The following MGAM variants were observed in gnomAD, a reference collection of about 807,000 sequenced individuals.
MGAM encodes the protein maltase-glucoamylase, also known as alpha-1,4-glucosidase.
A neutral mutation model predicts 358.8 loss-of-function variants in MGAM; 253 were observed. The ratio of observed to expected loss-of-function variants is 0.71; its 90% CI spans 0.64 to 0.78. The LOEUF is 0.78. Ranked by LOEUF, MGAM falls within the 30% of genes least tolerant of loss-of-function variation. The pLI is 0.00. For missense variants in MGAM, 3,080 were observed against 3,432.6 expected (o/e 0.90, Z 2.57); for synonymous variants, 1,105 against 1,227.1 (o/e 0.90, Z 2.08).
At chr7:142,046,151 TTTATA>T (rs1408687750) in intron 21 of MGAM, among the ~76,000 whole-genome samples, 4 of 145,926 alleles carry the variant, frequency 2.7e-5, no homozygotes, top group Admixed American at 1.4e-4. Flanking sequence ...TATATATATA[TTTATA>T]TTATATTTTT....
Position 142,099,675 on chromosome 7 carries a change from T to A in MGAM, c.7812T>A (p.Asn2604Lys). The A allele has an allele frequency of 6.2e-7, 1 of 1,613,978 alleles. No individual in the cohort carries two copies. Among genetic ancestry groups the A allele is most frequent in the South Asian group, 1.1e-5 (1 of 91,086 alleles). The stretch of plus-strand genomic sequence containing the variant: ...TGCCAGCCCCTCTTGACCACATTAA[T>A]CTTCATGTCCGTGGGGGCTACATCC... Reference protein sequence around the residue: ...KTLPAPLDHINLHVRGGYILP... With the variant: ...KTLPAPLDHIKLHVRGGYILP... Residue 2604 changes from asparagine (N) to lysine (K), a missense_variant, in exon 67 of 71, where the codon AAT becomes AAA. Transcript: ENST00000475668.
chr7:142,040,909 T>C, intron 21 of MGAM, 63 bp downstream of exon 21: 2 of 1,526,938 alleles, frequency 1.3e-6, no homozygotes, highest in Non-Finnish European at 1.8e-6. Flanking sequence ...TTGAATTTCT[T>C]TTCGAAACAC....
chr7:142,021,075 C>T lies in MGAM; in HGVS notation c.550C>T (p.His184Tyr). ...TAEYQTSNRF[H>Y]FKLTDQTNNR... The stretch of plus-strand genomic sequence containing the variant: ...AGAATATCAGACATCTAATCGTTTC[C>T]ACTTTAAGGTTGTAATTTGTTTATT... Residue 184 changes from histidine to tyrosine, a missense_variant, in exon 5 of 71, where the codon CAC becomes TAC. By Grantham distance (83) the His-to-Tyr change is moderately conservative. Transcript: ENST00000475668. 3 of 1,598,552 alleles carry T rather than the reference C, an allele frequency of 1.9e-6. No homozygotes were observed. The highest frequency in any genetic ancestry group is 1.1e-5 in the South Asian group (1 of 88,516).
chr7:142,059,840 T>TA lies in MGAM; in HGVS notation c.3949-15dup. The TA allele has an allele frequency of 5.6e-6, 9 of 1,601,270 alleles. No individual in the cohort carries two copies. The highest frequency in any genetic ancestry group is 7.7e-6 in the Non-Finnish European group (9 of 1,173,274). ...CTGGCTTTGGTTTTCCCAACTGACT[T>TA]ATGCTTTGATTTCAGGATCCAGCCA... On this transcript the variant is annotated splice_polypyrimidine_tract_variant and intron_variant, in intron 32 of 70. Transcript: ENST00000475668.
intron 66 of MGAM, among the ~76,000 whole-genome samples, chr7:142,098,477 A>G (rs913960626): frequency 6.6e-6 from 1 of 152,132 alleles, no homozygotes; most frequent in Non-Finnish European, 1.5e-5. Flanking sequence ...TACAGGAAGC[A>G]GAGCATGTGC....
rs1484099357 is a variant in MGAM, at chr7:142,064,538, C to T, written c.4484+16C>T. 6.4e-7 allele frequency: 1 copy of T among 1,564,790 alleles called. No individual in the cohort carries two copies. ...CCACATACGAGTGAGTCTCCGTCTC[C>T]CTTCTCCAGCTGTCACAACCTATAG... On this transcript the variant is annotated intron_variant, in intron 37 of 70. Coordinates refer to ENST00000475668, the MANE Select transcript of MGAM (RefSeq NM_001365693.1).
intron 64 of MGAM, 143 bp from the exon 65 acceptor site, chr7:142,096,188 G>A (rs1395803461): frequency 1.3e-6 from 1 of 796,512 alleles, no homozygotes; most frequent in East Asian, 2.7e-5. Flanking sequence ...GGGTGCTCCT[G>A]ATGAAGCTAG....
rs1200963119 is a variant in MGAM at position 142,040,721 on chromosome 7, G to T, written c.2374-1G>T. On this transcript the variant is annotated splice_acceptor_variant, in intron 20 of 70. Transcript: ENST00000475668. LOFTEE classifies it high-confidence loss of function. ...GTGTTTGATTTATCTGCATGCATCA[G>T]GGGAGCCAAGTGAGATGGAGGAAGC... The T allele has an allele frequency of 6.2e-7, 1 of 1,612,912 alleles. No individual in the cohort carries two copies. The highest frequency in any genetic ancestry group is 1.1e-5 in the South Asian group (1 of 90,942).
At chr7:142,036,092 G>T in intron 16 of MGAM, 77 bp from the exon 17 acceptor site, 1 of 1,091,282 alleles carries the variant, frequency 9.2e-7, no homozygotes, top group South Asian at 1.4e-5. Context: ...AGGTTCAGTT[G>T]GGAGGTCCCT....
intron 21 of MGAM, among the ~76,000 whole-genome samples, chr7:142,045,722 A>G (rs1810227880): frequency 1.2e-5 from 1 of 81,192 alleles, no homozygotes; most frequent in African/African-American, 4.8e-5. Context: ...TATATAATAT[A>G]TACATACAAT....
Position 142,029,741 on chromosome 7 carries a change from G to A in MGAM, c.1222-621G>A, listed in dbSNP as rs140408768. Reference sequence around the variant, plus strand: ...TACCTATGATATTGGATACTATTGGGAGTGAAATTTAACAAGAGATGCAAA... The same window carrying A: ...TACCTATGATATTGGATACTATTGGAAGTGAAATTTAACAAGAGATGCAAA... On this transcript the variant is annotated intron_variant, in intron 10 of 70. Transcript: ENST00000475668. Among the ~76,000 whole-genome samples, 47 of 152,304 alleles carry A rather than the reference G, an allele frequency of 3.1e-4. No homozygotes were observed. In the East Asian group the frequency reaches 8.5e-3, roughly 28 times the overall value.
rs782066769 is a variant in MGAM, at chr7:142,034,386, C to T, written c.1787+7C>T. The T allele has an allele frequency of 2.0e-6, 3 of 1,520,002 alleles. No individual in the cohort carries two copies. The African/African-American group carries it at 4.1e-5, about 21-fold the overall frequency. 94.2% of individuals were successfully genotyped at this position (1,520,002 alleles called of 1,614,324 possible). ...TGGCGGTCGCCACAGCAGAGTAAGG[C>T]CACTATGGCTATGACCTGCTAATTA... On this transcript the variant is annotated splice_region_variant and intron_variant, in intron 15 of 70. Coordinates refer to ENST00000475668, the MANE Select transcript of MGAM (RefSeq NM_001365693.1).
chr7:142,040,719 C>A lies in MGAM; in HGVS notation c.2374-3C>A. The A allele has an allele frequency of 6.2e-7, 1 of 1,612,792 alleles. No homozygotes were observed. Among genetic ancestry groups the A allele is most frequent in the Non-Finnish European group, 8.5e-7 (1 of 1,179,328 alleles). On this transcript the variant is annotated splice_region_variant and splice_polypyrimidine_tract_variant and intron_variant, in intron 20 of 70. Transcript: ENST00000475668. ...ATGTGTTTGATTTATCTGCATGCAT[C>A]AGGGGAGCCAAGTGAGATGGAGGAA...
chr7:142,081,040 C>T (rs1585073720), intron 50 of MGAM, 95 bp downstream of exon 50: 2 of 1,072,586 alleles, frequency 1.9e-6, no homozygotes, highest in African/African-American at 1.5e-5. Flanking sequence ...CAAAACATCA[C>T]ATTGTCCACT....
rs1168078647 is a variant in MGAM at position 142,063,991 on chromosome 7, T to A, written c.4346-393T>A. On this transcript the variant is annotated intron_variant, in intron 36 of 70. Transcript: ENST00000475668. ...TTCATATCTTGGCTCCAGAAATTGT[T>A]CTCTCTAGGAGTTTTGTGACTTTTC... 3.3e-5 allele frequency among the ~76,000 whole-genome samples: 5 copies of A among 152,206 alleles called. No homozygotes were observed. The South Asian group carries it at 8.3e-4, about 25-fold the overall frequency.
chr7:142,025,890 C>A (rs2128999632), intron 8 of MGAM, among the ~76,000 whole-genome samples: 1 of 152,224 alleles, frequency 6.6e-6, no homozygotes, highest in East Asian at 1.9e-4. Flanking sequence ...TAAGACGATT[C>A]TAATAGAATC....
chr7:142,100,598 T>C (rs537099251), intron 67 of MGAM, among the ~76,000 whole-genome samples: 9 of 152,320 alleles, frequency 5.9e-5, no homozygotes, highest in African/African-American at 2.2e-4. Flanking sequence ...TCTTGATTCA[T>C]TCACTAATTC....
chr7:142,100,912 T>C, intron 68 of MGAM, 22 bp downstream of exon 68: 1 of 1,600,090 alleles, frequency 6.2e-7, no homozygotes. Flanking sequence ...TTGCCTGAGA[T>C]TCATGCTGAT....
At chr7:142,059,644 A>G in intron 32 of MGAM, 44 bp downstream of exon 32, 1 of 1,608,292 alleles carries the variant, frequency 6.2e-7, no homozygotes, top group Non-Finnish European at 8.5e-7. Flanking sequence ...GGGAGCAGGT[A>G]TGGGCTTTGG....
Sources: gnomAD v4.1 joint callset for allele counts (sites outside exome capture counted in the v4.1 genomes callset) on GRCh38, gnomAD v4.1.1 for gene constraint, MANE v1.5 for transcripts, NCBI Gene and HGNC (gene_info 2026-07-23, HGNC 2026-07-21) for gene names.